The following SYNDIG1 variants were observed in gnomAD, a reference collection of about 807,000 sequenced individuals.
SYNDIG1 encodes synapse differentiation-inducing gene protein 1.
Under a neutral mutation model 19.4 loss-of-function variants are expected in SYNDIG1, and 9 were observed. The ratio of observed to expected loss-of-function variants is 0.46; its 90% CI spans 0.28 to 0.81. The LOEUF (loss-of-function observed/expected upper bound fraction) is 0.81. SYNDIG1 is among the 30% of genes least tolerant of loss of function. The pLI is 0.12. For missense variants in SYNDIG1, 311 were observed against 343.3 expected, an observed-to-expected ratio of 0.91 and a Z score of 0.74; for synonymous variants, 141 against 145.9, an observed-to-expected ratio of 0.97 and a Z score of 0.24.
chr20:24,634,912 G>T (rs1357607845), intron 3 of SYNDIG1, among the ~76,000 whole-genome samples: 1 of 152,164 alleles, frequency 6.6e-6, no homozygotes, highest in Non-Finnish European at 1.5e-5. Context: ...GCTGAGCATT[G>T]GTTGTGCGGT....
intron 2 of SYNDIG1, among the ~76,000 whole-genome samples, chr20:24,573,840 G>T (rs1191152832): frequency 2.0e-5 from 3 of 152,210 alleles, no homozygotes; most frequent in Non-Finnish European, 4.4e-5. Flanking sequence ...GCAACCCCCA[G>T]TTCCTCCACA....
intron 3 of SYNDIG1, among the ~76,000 whole-genome samples, chr20:24,644,017 A>T (rs1435345795): frequency 6.6e-6 from 1 of 152,266 alleles, no homozygotes; most frequent in Non-Finnish European, 1.5e-5. Context: ...CAAGAAGTAG[A>T]CTTTCTATGC....
chr20:24,607,355 C>G (rs1191896868), intron 3 of SYNDIG1, among the ~76,000 whole-genome samples: 2 of 127,718 alleles, frequency 1.6e-5, no homozygotes, highest in Non-Finnish European at 3.3e-5. Context: ...AGCAAGACTC[C>G]GTCTCAAAAA....
chr20:24,579,443 T>C (rs1000350854), intron 2 of SYNDIG1, among the ~76,000 whole-genome samples: 3 of 152,250 alleles, frequency 2.0e-5, no homozygotes, highest in Non-Finnish European at 4.4e-5. Context: ...GGTCTCTGTT[T>C]GAAAACTCTG....
chr20:24,540,784 C>T (rs1286078947), intron 1 of SYNDIG1, among the ~76,000 whole-genome samples: 2 of 152,054 alleles, frequency 1.3e-5, no homozygotes, highest in Non-Finnish European at 2.9e-5. Context: ...TTTAATATGC[C>T]GCTTAATTCA....
intron 1 of SYNDIG1, among the ~76,000 whole-genome samples, chr20:24,514,507 GA>G: frequency 6.6e-6 from 1 of 152,100 alleles, no homozygotes; most frequent in African/African-American, 2.4e-5. Flanking sequence ...TTAAACCAAT[GA>G]AAATCAAAAG....
intron 3 of SYNDIG1, among the ~76,000 whole-genome samples, chr20:24,647,387 T>G (rs1003556180): frequency 6.6e-6 from 1 of 152,070 alleles, no homozygotes; most frequent in Non-Finnish European, 1.5e-5. Context: ...TGGGTACATA[T>G]GCCATCAAGT....
intron 3 of SYNDIG1, among the ~76,000 whole-genome samples, chr20:24,632,929 T>C (rs1461472268): frequency 6.6e-6 from 1 of 151,366 alleles, no homozygotes; most frequent in Non-Finnish European, 1.5e-5. Flanking sequence ...TGGAGGGTAC[T>C]GCCATAGATT....
intron 2 of SYNDIG1, among the ~76,000 whole-genome samples, chr20:24,568,766 A>G (rs1430945117): frequency 6.6e-6 from 1 of 152,256 alleles, no homozygotes; most frequent in Non-Finnish European, 1.5e-5. Context: ...ATTTGATGTA[A>G]CAATTAGGGC....
rs760554868 is a variant in SYNDIG1, at chr20:24,543,162, G to T, written c.65G>T (p.Arg22Met). Residue 22 changes from arginine (R) to methionine (M), a missense_variant, in exon 2 of 4, where the codon AGG (arginine) becomes ATG (methionine). Physicochemically the swap from Arg to Met is moderately conservative, Grantham distance 91. Transcript: ENST00000376862. Reference sequence around the variant, plus strand: ...AGTAAAATCAGTGATGCTGGCAAGAGGAATGGTTTAATTAACACCAGAAAC... The same window carrying T: ...AGTAAAATCAGTGATGCTGGCAAGATGAATGGTTTAATTAACACCAGAAAC... ...VHSKISDAGK[R>M]NGLINTRNLM... The T allele has an allele frequency of 2.5e-6, 4 of 1,614,000 alleles. No homozygotes were observed. The highest frequency in any genetic ancestry group is 3.4e-6 in the Non-Finnish European group (4 of 1,180,028).
chr20:24,525,416 C>G (rs1326054576), intron 1 of SYNDIG1, among the ~76,000 whole-genome samples: 1 of 151,290 alleles, frequency 6.6e-6, no homozygotes, highest in South Asian at 2.1e-4. Context: ...TCCCGAGTAG[C>G]TGGAATTACA....
rs375174246 is a variant in SYNDIG1 at position 24,500,183 on chromosome 20, G to A, written c.-79+30430G>A. Among the ~76,000 whole-genome samples, 15 of 152,238 alleles carry A rather than the reference G, an allele frequency of 9.9e-5. No individual in the cohort carries two copies. In the East Asian group the frequency reaches 2.1e-3, roughly 22 times the overall value. On this transcript the variant is annotated intron_variant, in intron 1 of 3. Coordinates refer to ENST00000376862, the MANE Select transcript of SYNDIG1 (RefSeq NM_024893.3). The stretch of plus-strand genomic sequence containing the variant: ...CATCCCTAGTCCTCTCGGTGATGGT[G>A]ATGTTTGATTTATGCATGTATATCT...
At chr20:24,656,939 G>C (rs1436494684) in intron 3 of SYNDIG1, among the ~76,000 whole-genome samples, 1 of 152,202 alleles carries the variant, frequency 6.6e-6, no homozygotes. Flanking sequence ...TCAAGACATT[G>C]AGTGCTCTGA....
intron 2 of SYNDIG1, among the ~76,000 whole-genome samples, chr20:24,547,625 G>A (rs764980129): frequency 6.6e-6 from 1 of 152,152 alleles, no homozygotes; most frequent in Non-Finnish European, 1.5e-5. Flanking sequence ...ATCCTGGGTA[G>A]TGATAATTGG....
At chr20:24,492,597 C>T (rs1287285908) in intron 1 of SYNDIG1, among the ~76,000 whole-genome samples, 1 of 152,190 alleles carries the variant, frequency 6.6e-6, no homozygotes, top group African/African-American at 2.4e-5. Context: ...GTAAGAAGAG[C>T]AGCTTCAGGT....
chr20:24,654,963 G>A (rs1335581727), intron 3 of SYNDIG1, among the ~76,000 whole-genome samples: 2 of 152,174 alleles, frequency 1.3e-5, no homozygotes, highest in African/African-American at 4.8e-5. Flanking sequence ...ATAGAATATG[G>A]CCATTTGCAG....
In SYNDIG1 at chr20:24,637,088, G is replaced by A. The variant is rs539379281; in HGVS notation, c.619-28258G>A. Among the ~76,000 whole-genome samples, 9 of 152,324 alleles carry A rather than the reference G, an allele frequency of 5.9e-5. No individual in the cohort carries two copies. In the South Asian group the frequency reaches 1.2e-3, roughly 21 times the overall value. On this transcript the variant is annotated intron_variant, in intron 3 of 3. Transcript: ENST00000376862. Reference sequence around the variant, plus strand: ...TTCCCTGCAGCCACGGGCAGGGCCCGGGGAGGGCAGGCTGCTGCAGCCTCA... The same window carrying A: ...TTCCCTGCAGCCACGGGCAGGGCCCAGGGAGGGCAGGCTGCTGCAGCCTCA...
chr20:24,652,871 T>C (rs1035530699), intron 3 of SYNDIG1, among the ~76,000 whole-genome samples: 1 of 152,164 alleles, frequency 6.6e-6, no homozygotes. Context: ...CTCTTCCAGA[T>C]GTCTGCAGTG....
chr20:24,562,584 G>A (rs143462911), intron 2 of SYNDIG1, among the ~76,000 whole-genome samples: 3 of 152,254 alleles, frequency 2.0e-5, no homozygotes, highest in Admixed American at 6.5e-5. Context: ...TTGGTGAGAG[G>A]GAAAGAATCT....
Sources: allele counts gnomAD v4.1 joint callset (sites outside exome capture counted in the v4.1 genomes callset), GRCh38; gene constraint gnomAD v4.1.1; transcripts MANE v1.5; gene names NCBI Gene and HGNC (gene_info 2026-07-23, HGNC 2026-07-21).